The following PLCH1 variants were observed in gnomAD, a reference collection of about 807,000 sequenced individuals.
PLCH1 encodes phospholipase C eta 1.
A neutral mutation model predicts 126.7 loss-of-function variants in PLCH1; 60 were observed. The observed-to-expected ratio is 0.47, with a 90% CI of 0.38 to 0.59. The LOEUF is 0.59. Ranked by LOEUF, PLCH1 falls within the 20% of genes least tolerant of loss-of-function variation. The probability of loss-of-function intolerance (pLI) is 0.00; values close to 1 mark genes in which losing one functional copy is unlikely to be tolerated. For synonymous variants in PLCH1, 719 were observed against 734.9 expected, an observed-to-expected ratio of 0.98 and a Z score of 0.35; for missense variants, 1,723 against 2,040.0, an observed-to-expected ratio of 0.84 and a Z score of 2.99.
intron 2 of PLCH1, among the ~76,000 whole-genome samples, chr3:155,643,082 G>C (rs1025945334): frequency 6.6e-6 from 1 of 152,150 alleles, no homozygotes; most frequent in Non-Finnish European, 1.5e-5. Context: ...CTGAGTAGCT[G>C]GGATTACAGG....
intron 2 of PLCH1, among the ~76,000 whole-genome samples, chr3:155,639,335 C>A (rs1342217453): frequency 6.6e-6 from 1 of 152,100 alleles, no homozygotes; most frequent in African/African-American, 2.4e-5. Context: ...GTGGTGCAAG[C>A]CTATGGTCCC....
intron 10 of PLCH1, among the ~76,000 whole-genome samples, chr3:155,538,123 A>G (rs1008483439): frequency 6.6e-6 from 1 of 152,172 alleles, no homozygotes; most frequent in Non-Finnish European, 1.5e-5. Flanking sequence ...ATACATATAA[A>G]TTAAATAATC....
intron 13 of PLCH1, among the ~76,000 whole-genome samples, chr3:155,502,812 G>A (rs1326698475): frequency 1.3e-5 from 2 of 152,116 alleles, no homozygotes; most frequent in South Asian, 2.1e-4. Flanking sequence ...AATGATTCAC[G>A]GATTACTTAC....
At chr3:155,597,473 A>G (rs1467049901) in intron 2 of PLCH1, among the ~76,000 whole-genome samples, 3 of 152,212 alleles carry the variant, frequency 2.0e-5, no homozygotes, top group Non-Finnish European at 2.9e-5. Context: ...TATTTCACAA[A>G]GATTACCAAC....
chr3:155,672,302 G>A (rs562207115), intron 2 of PLCH1, among the ~76,000 whole-genome samples: 1 of 152,206 alleles, frequency 6.6e-6, no homozygotes, highest in South Asian at 2.1e-4. Flanking sequence ...CATGAAAAGA[G>A]CCAAAAATTT....
At position 155,529,759 on chromosome 3, in the gene PLCH1, T is replaced by TTTTGTTTTGTTTTGTTTTG. The variant is rs1560117398; in HGVS notation, c.1363-5756_1363-5755insCAAAACAAAACAAAACAAA. On this transcript the variant is annotated intron_variant, in intron 10 of 22. Transcript: ENST00000460012. The stretch of plus-strand genomic sequence containing the variant: ...TAGGTGACTGTGGCAATTTGCTTCT[T>TTTTGTTTTGTTTTGTTTTG]TTTTGTTTTGTTTTGTTTTGTTTTG... Among the ~76,000 whole-genome samples, 680 of 150,638 alleles carry TTTTGTTTTGTTTTGTTTTG rather than the reference T, an allele frequency of 4.5e-3. 1 individual carries two copies. The highest frequency in any genetic ancestry group is 0.016 in the African/African-American group (646 of 40,976).
intron 11 of PLCH1, among the ~76,000 whole-genome samples, chr3:155,519,925 G>C (rs576453261): frequency 7.9e-5 from 12 of 151,824 alleles, no homozygotes; most frequent in Non-Finnish European, 1.3e-4. Flanking sequence ...TTTCCAAGCT[G>C]TAAGACCTGA....
intron 3 of PLCH1, among the ~76,000 whole-genome samples, chr3:155,594,557 A>T (rs545411721): frequency 8.9e-4 from 136 of 152,286 alleles, no homozygotes; most frequent in African/African-American, 3.2e-3. Context: ...TGGGTGACAG[A>T]GCAAGATTCC....
At chr3:155,544,958 T>G (rs1442132406) in intron 10 of PLCH1, among the ~76,000 whole-genome samples, 214 of 149,658 alleles carry the variant, frequency 1.4e-3, no homozygotes, top group African/African-American at 5.1e-3. Flanking sequence ...ATTGACACCC[T>G]AACATCACAA....
rs1381314571 is a variant in PLCH1, at chr3:155,632,855, T to C, written c.80-36477A>G. On this transcript the variant is annotated intron_variant, in intron 2 of 22. Transcript: ENST00000460012. ...ATTTCTGATATTAATAAAAAGCTCA[T>C]TTCCAACTTGCCAAATTCCCAGGCT... 3.3e-5 allele frequency among the ~76,000 whole-genome samples: 5 copies of C among 152,304 alleles called. No individual in the cohort carries two copies. In the East Asian group the frequency reaches 9.6e-4, roughly 29 times the overall value.
At chr3:155,690,062 A>G (rs1745259286) in intron 2 of PLCH1, among the ~76,000 whole-genome samples, 1 of 152,040 alleles carries the variant, frequency 6.6e-6, no homozygotes, top group East Asian at 1.9e-4. Context: ...AAAAAAAAAG[A>G]AAAGAACATA....
intron 2 of PLCH1, among the ~76,000 whole-genome samples, chr3:155,621,415 C>T (rs749349303): frequency 1.3e-5 from 2 of 152,056 alleles, no homozygotes; most frequent in Admixed American, 6.5e-5. Flanking sequence ...ATGAGTTTGA[C>T]GAATTGACAG....
intron 2 of PLCH1, among the ~76,000 whole-genome samples, chr3:155,621,659 T>C (rs1736522372): frequency 6.6e-6 from 1 of 152,000 alleles, no homozygotes; most frequent in South Asian, 2.1e-4. Context: ...AGAAAGGATA[T>C]CAGAGATTGA....
At chr3:155,577,551 G>A (rs1191225482) in intron 6 of PLCH1, among the ~76,000 whole-genome samples, 1 of 151,902 alleles carries the variant, frequency 6.6e-6, no homozygotes, top group Non-Finnish European at 1.5e-5. Flanking sequence ...ATTTTCCTTT[G>A]TGATTTTTAC....
chr3:155,695,231 T>C (rs1440030466), intron 2 of PLCH1, among the ~76,000 whole-genome samples: 1 of 152,214 alleles, frequency 6.6e-6, no homozygotes, highest in Non-Finnish European at 1.5e-5. Context: ...TTTAAGAAAT[T>C]ATTTTAAAGA....
Position 155,482,273 on chromosome 3 carries a change from T to C in PLCH1, c.3753A>G (p.Ile1251Met). ...TGGTGGTCTCAGAACTCGAGAGTGCTATCAGCTCCGGAGATGAGCACAGGA... is the reference window on the plus strand; with the variant it reads ...TGGTGGTCTCAGAACTCGAGAGTGCCATCAGCTCCGGAGATGAGCACAGGA... ...SSFLCSSPEL[I>M]ALSSSETTKH... is the part of the protein sequence containing the mutation. The change falls in exon 23 of 23, where the codon ATA (isoleucine) becomes ATG (methionine). Residue 1251 changes from isoleucine to methionine, a missense_variant. Physicochemically the swap from Ile to Met is conservative, Grantham distance 10 (BLOSUM62 1). Around this residue, in one of 2 missense-constraint regions of PLCH1, gnomAD observed 947 missense variants for 977.1 expected, o/e 0.97. Coordinates refer to ENST00000460012, the MANE Select transcript of PLCH1 (RefSeq NM_014996.4). The C allele has an allele frequency of 6.2e-7, 1 of 1,614,184 alleles. No individual in the cohort carries two copies.
chr3:155,481,758 C>T lies in PLCH1; in HGVS notation c.4268G>A (p.Ser1423Asn). 2 of 1,614,150 alleles carry T rather than the reference C, an allele frequency of 1.2e-6. No homozygotes were observed. The highest frequency in any genetic ancestry group is 1.7e-6 in the Non-Finnish European group (2 of 1,179,988). Residue 1423 changes from serine (S) to asparagine (N), a missense_variant, in exon 23 of 23, where the codon AGT becomes AAT. Transcript: ENST00000460012. This position sits in a 1 kb window ranked among gnomAD's most constrained non-coding sequence, Gnocchi z 4.2. ...ACCCTGATAGGCTAGATAAGAAATACTTTGAGTTTTGACATCTTGAATATT... is the reference window on the plus strand; with the variant it reads ...ACCCTGATAGGCTAGATAAGAAATATTTTGAGTTTTGACATCTTGAATATT... The part of the protein sequence containing the change: ...FNNIQDVKTQ[S>N]ISYLAYQGAG...
At chr3:155,612,038 C>T (rs1735162121) in intron 2 of PLCH1, among the ~76,000 whole-genome samples, 1 of 152,036 alleles carries the variant, frequency 6.6e-6, no homozygotes, top group Non-Finnish European at 1.5e-5. Flanking sequence ...AAACTTTGGC[C>T]AGGCATGGTG....
chr3:155,475,214 C>A (rs1162155297), downstream of PLCH1, among the ~76,000 whole-genome samples: 1 of 151,798 alleles, frequency 6.6e-6, no homozygotes, highest in Non-Finnish European at 1.5e-5. Flanking sequence ...TCCTGAATAA[C>A]CACTGGTTCA....
Sources: allele counts gnomAD v4.1 joint callset (sites outside exome capture counted in the v4.1 genomes callset), GRCh38; gene constraint gnomAD v4.1.1; regional missense constraint gnomAD v4.1.1; non-coding constraint Gnocchi (gnomAD v3.1); transcripts MANE v1.5; gene names NCBI Gene and HGNC (gene_info 2026-07-23, HGNC 2026-07-21).